KIAA0825: variants seen among roughly 807,000 people sequenced by gnomAD.
KIAA0825 encodes the protein KIAA0825.
KIAA0825 carries 119 observed loss-of-function variants against 147.6 expected under a neutral mutation model. That is an observed-to-expected ratio of 0.81 (90% confidence interval 0.69 to 0.94). The LOEUF (loss-of-function observed/expected upper bound fraction) is 0.94, where lower values mean the gene tolerates loss of function less well. KIAA0825 is among the 40% of genes least tolerant of loss of function. The pLI is 0.00. For synonymous variants in KIAA0825, 470 were observed against 518.1 expected, an observed-to-expected ratio of 0.91 and a Z score of 1.26; for missense variants, 1,381 against 1,472.7, an observed-to-expected ratio of 0.94 and a Z score of 1.02.
intron 20 of KIAA0825, among the ~76,000 whole-genome samples, chr5:94,370,116 C>A (rs1746457233): frequency 6.6e-6 from 1 of 150,990 alleles, no homozygotes; most frequent in Non-Finnish European, 1.5e-5. Context: ...GTGAATAGAT[C>A]AAAAAACTGT....
At chr5:94,313,762 A>T (rs1317033981) in intron 20 of KIAA0825, among the ~76,000 whole-genome samples, 1 of 151,550 alleles carries the variant, frequency 6.6e-6, no homozygotes, top group Non-Finnish European at 1.5e-5. Flanking sequence ...TCTCAAAGGT[A>T]CTGGTGTATA....
intron 20 of KIAA0825, among the ~76,000 whole-genome samples, chr5:94,297,357 T>C (rs533926773): frequency 1.3e-5 from 2 of 152,354 alleles, no homozygotes; most frequent in South Asian, 4.1e-4. Flanking sequence ...CAATGTCTTC[T>C]TCTATATGAC....
At chr5:94,212,814 T>C (rs1772834664) in intron 20 of KIAA0825, among the ~76,000 whole-genome samples, 1 of 152,186 alleles carries the variant, frequency 6.6e-6, no homozygotes, top group South Asian at 2.1e-4. Context: ...CCTGAGGGAC[T>C]CACTATCTTG....
At chr5:94,193,989 A>G (rs1271056390) in intron 20 of KIAA0825, among the ~76,000 whole-genome samples, 1 of 152,200 alleles carries the variant, frequency 6.6e-6, no homozygotes, top group Non-Finnish European at 1.5e-5. Flanking sequence ...ATGTGGAGGC[A>G]GGAGATAGGG....
intron 3 of KIAA0825, among the ~76,000 whole-genome samples, chr5:94,529,197 G>A (rs1222337800): frequency 2.8e-5 from 4 of 145,230 alleles, no homozygotes; most frequent in African/African-American, 1.0e-4. Flanking sequence ...TATATATGAA[G>A]TAGTATATAT....
chr5:94,439,778 T>G (rs531045156), intron 14 of KIAA0825, among the ~76,000 whole-genome samples: 15 of 152,330 alleles, frequency 9.8e-5, no homozygotes, highest in Admixed American at 2.0e-4. Context: ...TATAGTTTTC[T>G]CTCATTCAGA....
intron 20 of KIAA0825, among the ~76,000 whole-genome samples, chr5:94,213,606 C>G (rs1397538068): frequency 1.3e-5 from 2 of 152,212 alleles, no homozygotes; most frequent in African/African-American, 4.8e-5. Context: ...CTTTTATCTA[C>G]TTAGCCCTTC....
chr5:94,161,305 G>A lies in KIAA0825; in HGVS notation c.3711-7181C>T, dbSNP rs534015048. Among the ~76,000 whole-genome samples the A allele has an allele frequency of 2.0e-5, 3 of 152,288 alleles. No homozygotes were observed. In the East Asian group the frequency reaches 5.8e-4, roughly 29 times the overall value. On this transcript the variant is annotated intron_variant, in intron 20 of 20. Transcript: ENST00000682413. The stretch of plus-strand genomic sequence containing the variant: ...TTTAGCTGCTACTACCTCCCCTAGG[G>A]AGAAAATTATTTTCCTTATTTTCTC...
intron 20 of KIAA0825, among the ~76,000 whole-genome samples, chr5:94,378,888 T>TC (rs1220100631): frequency 5.9e-5 from 9 of 152,314 alleles, no homozygotes; most frequent in Admixed American, 5.9e-4. Flanking sequence ...TGTTTGTTGA[T>TC]CATGTGTATG....
chr5:94,289,621 A>G (rs1029541213), intron 20 of KIAA0825, among the ~76,000 whole-genome samples: 2 of 152,126 alleles, frequency 1.3e-5, no homozygotes, highest in African/African-American at 4.8e-5. Context: ...TAAAGAAAAG[A>G]AGAATGGCTG....
At chr5:94,491,243 A>G (rs1300543231) in intron 5 of KIAA0825, among the ~76,000 whole-genome samples, 1 of 152,200 alleles carries the variant, frequency 6.6e-6, no homozygotes, top group South Asian at 2.1e-4. Flanking sequence ...GTGACACACA[A>G]AAGCTACTGA....
At chr5:94,489,974 C>T (rs1763539988) in intron 5 of KIAA0825, among the ~76,000 whole-genome samples, 1 of 151,358 alleles carries the variant, frequency 6.6e-6, no homozygotes. Context: ...TTTTTATCCA[C>T]TTTTTCCATG....
At chr5:94,399,594 T>A (rs948366558) in intron 16 of KIAA0825, among the ~76,000 whole-genome samples, 1 of 152,120 alleles carries the variant, frequency 6.6e-6, no homozygotes, top group Non-Finnish European at 1.5e-5. Flanking sequence ...CAGGGAAGGA[T>A]CTTTTAAGAC....
At chr5:94,259,768 G>C (rs1337831813) in intron 20 of KIAA0825, among the ~76,000 whole-genome samples, 1 of 151,770 alleles carries the variant, frequency 6.6e-6, no homozygotes, top group Non-Finnish European at 1.5e-5. Flanking sequence ...TTATCCTGCA[G>C]CAATCTAATT....
chr5:94,253,553 C>G (rs892398880), intron 20 of KIAA0825, among the ~76,000 whole-genome samples: 7 of 151,996 alleles, frequency 4.6e-5, no homozygotes, highest in Non-Finnish European at 7.4e-5. Flanking sequence ...TCAACTTTAC[C>G]TAGTTTGAGC....
At chr5:94,435,183 T>G (rs1756186052) in intron 14 of KIAA0825, among the ~76,000 whole-genome samples, 1 of 151,942 alleles carries the variant, frequency 6.6e-6, no homozygotes, top group Non-Finnish European at 1.5e-5. Context: ...ACTTGTTACA[T>G]AGGTAAATGT....
At chr5:94,250,896 G>A (rs1441293105) in intron 20 of KIAA0825, among the ~76,000 whole-genome samples, 1 of 152,132 alleles carries the variant, frequency 6.6e-6, no homozygotes, top group Non-Finnish European at 1.5e-5. Context: ...TAATGAAAAT[G>A]TAAAGCAGTC....
chr5:94,329,568 G>GT (rs1367927852), intron 20 of KIAA0825, among the ~76,000 whole-genome samples: 1 of 152,086 alleles, frequency 6.6e-6, no homozygotes, highest in Non-Finnish European at 1.5e-5. Flanking sequence ...AGAAAATGGA[G>GT]TAAGTCTACT....
chr5:94,565,118 G>C (rs1226169645), intron 2 of KIAA0825, among the ~76,000 whole-genome samples: 2 of 42,892 alleles, frequency 4.7e-5, no homozygotes, highest in African/African-American at 1.1e-4. Flanking sequence ...TTTTTTGGTA[G>C]AGATGAGGTC....
Sources: gnomAD v4.1 joint callset for allele counts (sites outside exome capture counted in the v4.1 genomes callset) on GRCh38, gnomAD v4.1.1 for gene constraint, MANE v1.5 for transcripts, NCBI Gene and HGNC (gene_info 2026-07-23, HGNC 2026-07-21) for gene names.